ARL17B: variants seen among roughly 807,000 people sequenced by gnomAD.
ARL17B encodes ARF like GTPase 17B, also known as ADP-ribosylation factor-like protein 17.
chr17:46,278,835 T>G lies in ARL17B; in HGVS notation c.*22-3417A>C, dbSNP rs2049673876. 2.0e-5 allele frequency among the ~76,000 whole-genome samples: 3 copies of G among 152,342 alleles called. No homozygotes were observed. In the South Asian group the frequency reaches 6.2e-4, roughly 32 times the overall value. ...TTTTTGACACGGAATTTTGCTCTTGTGGCCCAGGCTGGAGTGCAATGGCAT... is the reference window on the plus strand; with the variant it reads ...TTTTTGACACGGAATTTTGCTCTTGGGGCCCAGGCTGGAGTGCAATGGCAT... On this transcript the variant is annotated intron_variant, in intron 4 of 4. Coordinates refer to the ARL17B transcript ENST00000570618.
chr17:46,324,630 T>G (rs2051618009), intron 3 of ARL17B, among the ~76,000 whole-genome samples: 1 of 55,570 alleles, frequency 1.8e-5, no homozygotes, highest in African/African-American at 4.3e-5. Flanking sequence ...ATTACAGGCA[T>G]GAGACACCGT....
chr17:46,284,562 C>T (rs1188681919), intron 4 of ARL17B, among the ~76,000 whole-genome samples: 1 of 152,250 alleles, frequency 6.6e-6, no homozygotes, highest in Non-Finnish European at 1.5e-5. Flanking sequence ...ACAATCTGAT[C>T]TCTCTTTCTT....
chr17:46,321,276 A>C (rs2051345754), intron 3 of ARL17B, among the ~76,000 whole-genome samples: 2 of 78,176 alleles, frequency 2.6e-5, no homozygotes, highest in Non-Finnish European at 4.2e-5. Flanking sequence ...GAATTGCTTG[A>C]ACCTGGGAGG....
intron 3 of ARL17B, among the ~76,000 whole-genome samples, chr17:46,304,961 T>C (rs1338347477): frequency 1.4e-5 from 1 of 71,128 alleles, no homozygotes. Flanking sequence ...GTCCGCCTCC[T>C]GGGTTCATGC....
At chr17:46,334,728 A>G (rs1188881489), downstream of ARL17B, 6 of 79,258 alleles carry the variant, frequency 7.6e-5, no homozygotes, top group Non-Finnish European at 1.5e-4. Flanking sequence ...AATGTTATCT[A>G]AAACAGTCAA....
At chr17:46,282,074 G>C (rs111853803) in intron 4 of ARL17B, among the ~76,000 whole-genome samples, 11,876 of 141,276 alleles carry the variant, frequency 0.084, no homozygotes, top group Non-Finnish European at 0.13. Flanking sequence ...GGATACTTTA[G>C]CTGGGCTTGT....
intron 4 of ARL17B, among the ~76,000 whole-genome samples, chr17:46,279,500 C>CTTTTTTT (rs369361891): frequency 4.1e-5 from 5 of 122,422 alleles, no homozygotes; most frequent in South Asian, 2.5e-4. Flanking sequence ...TTCTTTCTTT[C>CTTTTTTT]TTTTTTTTTT....
At chr17:46,287,550 C>A (rs1430783402) in intron 4 of ARL17B, among the ~76,000 whole-genome samples, 1 of 152,278 alleles carries the variant, frequency 6.6e-6, no homozygotes, top group Non-Finnish European at 1.5e-5. Flanking sequence ...TAGAGCAATT[C>A]AATCTCTACC....
At chr17:46,277,602 C>T (rs1424692785) in intron 4 of ARL17B, among the ~76,000 whole-genome samples, 2 of 152,144 alleles carry the variant, frequency 1.3e-5, no homozygotes, top group African/African-American at 4.8e-5. Flanking sequence ...ATCCCCTTGA[C>T]CTTTCAGTTC....
At chr17:46,278,407 TTTTTGTTG>T (rs879338606) in intron 4 of ARL17B, among the ~76,000 whole-genome samples, 15,358 of 145,042 alleles carry the variant, frequency 0.11, no homozygotes, top group Middle Eastern at 0.16. Flanking sequence ...TTTTGTTTTT[TTTTTGTTG>T]TTGTTTTAAG....
intron 4 of ARL17B, among the ~76,000 whole-genome samples, chr17:46,290,635 C>T (rs866481042): frequency 0.026 from 3,558 of 135,084 alleles, no homozygotes; most frequent in Non-Finnish European, 0.043. Flanking sequence ...TTAGTACAGA[C>T]GGGGTTTCGC....
chr17:46,277,033 G>T (rs1000796429), intron 4 of ARL17B, among the ~76,000 whole-genome samples: 4 of 152,148 alleles, frequency 2.6e-5, no homozygotes, highest in Admixed American at 1.3e-4. Flanking sequence ...TCAAACTCCT[G>T]GGCTCAAGTG....
At chr17:46,279,583 T>C (rs78569719) in intron 4 of ARL17B, among the ~76,000 whole-genome samples, 21,636 of 149,436 alleles carry the variant, frequency 0.14, 1,890 homozygotes, top group Non-Finnish European at 0.22. Flanking sequence ...CTCACTGCAG[T>C]ATCTGTCTCC....
At chr17:46,279,988 C>A (rs1598065597) in intron 4 of ARL17B, among the ~76,000 whole-genome samples, 1 of 152,306 alleles carries the variant, frequency 6.6e-6, no homozygotes, top group South Asian at 2.1e-4. Context: ...ATTTGGATTG[C>A]TTACCGCACA....
At chr17:46,282,046 T>C (rs113248863) in intron 4 of ARL17B, among the ~76,000 whole-genome samples, 10,958 of 141,218 alleles carry the variant, frequency 0.078, no homozygotes, top group Non-Finnish European at 0.12. Context: ...TTTAATTCCT[T>C]TGCTGAGAAT....
At chr17:46,292,120 T>C (rs1164211946) in intron 4 of ARL17B, among the ~76,000 whole-genome samples, 1 of 139,204 alleles carries the variant, frequency 7.2e-6, no homozygotes, top group Non-Finnish European at 1.6e-5. Flanking sequence ...TCACTTGAGG[T>C]CAGGAGTTCA....
chr17:46,276,951 G>A (rs1013270837), intron 4 of ARL17B, among the ~76,000 whole-genome samples: 3 of 151,464 alleles, frequency 2.0e-5, no homozygotes, highest in South Asian at 2.1e-4. Context: ...CTACAGGCAC[G>A]TGCCACCATG....
intron 4 of ARL17B, among the ~76,000 whole-genome samples, chr17:46,283,392 G>A (rs1288759968): frequency 6.6e-6 from 1 of 152,160 alleles, no homozygotes; most frequent in South Asian, 2.1e-4. Context: ...CCATCTTATG[G>A]GCCTATAATG....
chr17:46,278,508 G>A (rs1254393415), intron 4 of ARL17B, among the ~76,000 whole-genome samples: 5 of 151,348 alleles, frequency 3.3e-5, no homozygotes, highest in Admixed American at 6.6e-5. Flanking sequence ...GGGTTCAAGC[G>A]ATTTTCCACC....
Sources: gnomAD v4.1 joint callset for allele counts (sites outside exome capture counted in the v4.1 genomes callset) on GRCh38, gnomAD v4.1.1 for gene constraint, MANE v1.5 for transcripts, NCBI Gene and HGNC (gene_info 2026-07-23, HGNC 2026-07-21) for gene names.